ENOX1: variants seen among roughly 807,000 people sequenced by gnomAD.
The protein encoded by ENOX1 is ecto-NOX disulfide-thiol exchanger 1, also known as candidate growth-related and time keeping constitutive hydroquinone (NADH) oxidase.
Under a neutral mutation model 82.5 loss-of-function variants are expected in ENOX1, and 42 were observed. The observed-to-expected ratio is 0.51, with a 90% CI of 0.40 to 0.66. ENOX1 has a LOEUF of 0.66. ENOX1 is among the 30% of genes least tolerant of loss of function. The pLI, the probability that ENOX1 is intolerant of heterozygous loss-of-function variation, is 0.00. For synonymous variants in ENOX1, 271 were observed against 282.2 expected (o/e 0.96, Z 0.40); for missense variants, 608 against 811.6 (o/e 0.75, Z 3.05).
intron 7 of ENOX1, among the ~76,000 whole-genome samples, chr13:43,359,465 T>C (rs928276285): frequency 3.3e-5 from 5 of 152,242 alleles, no homozygotes; most frequent in Admixed American, 6.5e-5. Context: ...CTTTGGTACC[T>C]TGGTGTCCAG....
At chr13:43,272,118 T>C (rs749660421) in intron 12 of ENOX1, among the ~76,000 whole-genome samples, 10 of 152,186 alleles carry the variant, frequency 6.6e-5, no homozygotes, top group Non-Finnish European at 1.3e-4. Context: ...TATTATACTT[T>C]AAGTTCTGGG....
At position 43,341,661 on chromosome 13, in the gene ENOX1, A is replaced by G. The variant is rs561604394; in HGVS notation, c.1036+2877T>C. Among the ~76,000 whole-genome samples, 6 of 152,320 alleles carry G rather than the reference A, an allele frequency of 3.9e-5. No homozygotes were observed. In the South Asian group the frequency reaches 1.0e-3, roughly 26 times the overall value. ...CTGGGGAAGACATGACCTGATTTGT[A>G]TCAGATGGAATGTGAAAATAAATCA... On this transcript the variant is annotated intron_variant, in intron 9 of 16. Transcript: ENST00000690772.
intron 2 of ENOX1, among the ~76,000 whole-genome samples, chr13:43,505,360 T>C (rs1385985539): frequency 1.3e-5 from 2 of 151,888 alleles, no homozygotes; most frequent in Non-Finnish European, 2.9e-5. Flanking sequence ...AAGGCAGAAA[T>C]TTGAGAGAAT....
rs189090224 is a variant in ENOX1 at position 43,277,439 on chromosome 13, G to T, written c.1447-7862C>A. 2.0e-5 allele frequency among the ~76,000 whole-genome samples: 3 copies of T among 152,296 alleles called. No individual in the cohort carries two copies. The East Asian group carries it at 5.8e-4, about 29-fold the overall frequency. On this transcript the variant is annotated intron_variant, in intron 12 of 16. Transcript: ENST00000690772. The stretch of plus-strand genomic sequence containing the variant: ...AGAGGTCAAGATAATGAACCCTGGG[G>T]TCATGCCTATCATTACTCTGGGAGC...
chr13:43,578,998 C>T (rs1387764077), intron 2 of ENOX1, among the ~76,000 whole-genome samples: 1 of 151,584 alleles, frequency 6.6e-6, no homozygotes, highest in Non-Finnish European at 1.5e-5. Flanking sequence ...AATTCTTGTT[C>T]CTTCATTTTT....
At chr13:43,742,937 G>A (rs1041528183) in intron 1 of ENOX1, among the ~76,000 whole-genome samples, 1 of 152,114 alleles carries the variant, frequency 6.6e-6, no homozygotes, top group Non-Finnish European at 1.5e-5. Flanking sequence ...GGGAATTGGG[G>A]GATAGGATGA....
chr13:43,610,110 T>C (rs1489591311), intron 2 of ENOX1, among the ~76,000 whole-genome samples: 1 of 152,232 alleles, frequency 6.6e-6, no homozygotes, highest in Non-Finnish European at 1.5e-5. Context: ...AATTGCAAAG[T>C]GCCTGTTCTT....
intron 2 of ENOX1, among the ~76,000 whole-genome samples, chr13:43,559,733 G>C (rs188660559): frequency 1.3e-5 from 2 of 152,110 alleles, no homozygotes; most frequent in East Asian, 3.8e-4. Context: ...CATGAAGAAG[G>C]TTAGCAAGAT....
At chr13:43,510,466 G>A (rs1034977222) in intron 2 of ENOX1, among the ~76,000 whole-genome samples, 3 of 152,212 alleles carry the variant, frequency 2.0e-5, no homozygotes, top group South Asian at 2.1e-4. Context: ...TAAATTTACT[G>A]TAAAGAGCAA....
At chr13:43,778,104 G>A (rs1952028974) in intron 1 of ENOX1, among the ~76,000 whole-genome samples, 1 of 152,146 alleles carries the variant, frequency 6.6e-6, no homozygotes, top group African/African-American at 2.4e-5. Context: ...AAAAATATGG[G>A]GATGATGTTG....
At chr13:43,339,485 T>C (rs959657928) in intron 9 of ENOX1, among the ~76,000 whole-genome samples, 1 of 152,338 alleles carries the variant, frequency 6.6e-6, no homozygotes, top group South Asian at 2.1e-4. Context: ...AATTCTGCAA[T>C]GTACCTGATC....
chr13:43,770,446 T>C (rs746395030), intron 1 of ENOX1, among the ~76,000 whole-genome samples: 32 of 152,166 alleles, frequency 2.1e-4, no homozygotes. Context: ...AAATCATGCC[T>C]GAATCCCCTA....
intron 2 of ENOX1, among the ~76,000 whole-genome samples, chr13:43,612,489 T>C (rs1464060894): frequency 2.0e-5 from 3 of 151,604 alleles, no homozygotes; most frequent in Non-Finnish European, 4.4e-5. Flanking sequence ...GGTGCCTACT[T>C]GTCATCAGCT....
At chr13:43,429,431 T>C (rs1013457215) in intron 3 of ENOX1, among the ~76,000 whole-genome samples, 21 of 152,196 alleles carry the variant, frequency 1.4e-4, no homozygotes, top group African/African-American at 4.8e-4. Context: ...CATTTTTTTT[T>C]CTACAAGTAT....
At chr13:43,433,298 T>A (rs144966771) in intron 3 of ENOX1, among the ~76,000 whole-genome samples, 77 of 152,264 alleles carry the variant, frequency 5.1e-4, no homozygotes, top group African/African-American at 1.8e-3. Flanking sequence ...CTCAGTGAAC[T>A]AATCCAGTCT....
chr13:43,758,363 G>GA lies in ENOX1; in HGVS notation c.-285+28288dup, dbSNP rs201601724. Among the ~76,000 whole-genome samples, 60 of 151,298 alleles carry GA rather than the reference G, an allele frequency of 4.0e-4. 1 individual carries two copies. The highest frequency in any genetic ancestry group is 1.4e-3 in the African/African-American group (58 of 41,220). On this transcript the variant is annotated intron_variant, in intron 1 of 16. Coordinates refer to ENST00000690772, the MANE Select transcript of ENOX1 (RefSeq NM_001347969.2). ...AATCTCCAGGTAGTTATGCTGAGAG[G>GA]AAAAAAAAAGACAATCTCGAAAGGC...
At chr13:43,426,031 A>G (rs958382037) in intron 3 of ENOX1, among the ~76,000 whole-genome samples, 7 of 152,244 alleles carry the variant, frequency 4.6e-5, no homozygotes, top group African/African-American at 1.7e-4. Flanking sequence ...TTGATCTGAT[A>G]TGGAGTAAGT....
At chr13:43,273,110 G>A (rs2044788051) in intron 12 of ENOX1, among the ~76,000 whole-genome samples, 1 of 152,084 alleles carries the variant, frequency 6.6e-6, no homozygotes, top group Non-Finnish European at 1.5e-5. Context: ...TTCACTTCCT[G>A]TGTTTACAAC....
At position 43,653,047 on chromosome 13, in the gene ENOX1, G is replaced by A. The variant is rs193266225; in HGVS notation, c.-219+14432C>T. On this transcript the variant is annotated intron_variant, in intron 2 of 16. Transcript: ENST00000690772. Reference sequence around the variant, plus strand: ...AGGCAACAAGCCTCAATGGCAGGCAGAGAGGCTACAGAGTCCCTCTCTGGG... The same window carrying A: ...AGGCAACAAGCCTCAATGGCAGGCAAAGAGGCTACAGAGTCCCTCTCTGGG... 2.8e-3 allele frequency among the ~76,000 whole-genome samples: 430 copies of A among 152,350 alleles called. 3 individuals are homozygous for A. The highest frequency in any genetic ancestry group is 1.0e-2 in the African/African-American group (415 of 41,588).
Sources: allele counts gnomAD v4.1 joint callset (sites outside exome capture counted in the v4.1 genomes callset), GRCh38; gene constraint gnomAD v4.1.1; transcripts MANE v1.5; gene names NCBI Gene and HGNC (gene_info 2026-07-23, HGNC 2026-07-21).